Variants in KDM7A observed in about 807,000 individuals in gnomAD.
KDM7A encodes the protein lysine demethylase 7A.
A neutral mutation model predicts 114.8 loss-of-function variants in KDM7A; 28 were observed. The observed-to-expected ratio is 0.24, with a 90% CI of 0.18 to 0.33. KDM7A has a LOEUF of 0.33. Ranked by LOEUF, KDM7A falls within the 10% of genes least tolerant of loss-of-function variation. The pLI is 1.00. For synonymous variants in KDM7A, 423 were observed against 397.8 expected (o/e 1.06, Z -0.75); for missense variants, 942 against 1,142.5 (o/e 0.82, Z 2.53).
At chr7:140,158,993 A>G (rs1233462258) in intron 1 of KDM7A, among the ~76,000 whole-genome samples, 1 of 152,228 alleles carries the variant, frequency 6.6e-6, no homozygotes. Context: ...ACAGGGCTGC[A>G]GCTGAAAAGG....
At chr7:140,099,344 C>T (rs1818165355) in intron 13 of KDM7A, among the ~76,000 whole-genome samples, 1 of 152,074 alleles carries the variant, frequency 6.6e-6, no homozygotes, top group Non-Finnish European at 1.5e-5. Context: ...ACAGGCATGG[C>T]CACCACACCC....
At chr7:140,099,857 A>G (rs751680572) in intron 13 of KDM7A, 42 bp downstream of exon 13, 13 of 1,573,660 alleles carry the variant, frequency 8.3e-6, no homozygotes, top group African/African-American at 5.4e-5. Flanking sequence ...AGGGAACCCA[A>G]TGAAAATTAA....
chr7:140,173,111 A>G (rs1194963441), intron 1 of KDM7A, among the ~76,000 whole-genome samples: 1 of 152,204 alleles, frequency 6.6e-6, no homozygotes, highest in African/African-American at 2.4e-5. Context: ...AAAGACATCT[A>G]GCCTGGAGAT....
rs188313134 is a variant in KDM7A at position 140,129,690 on chromosome 7, T to C, written c.399-37A>G. Reference sequence around the variant, plus strand: ...CATAAGAATAAAAATGTCATTTTTATTGGTAAGGTCAGTTTAAAAAAAATA... The same window carrying C: ...CATAAGAATAAAAATGTCATTTTTACTGGTAAGGTCAGTTTAAAAAAAATA... On this transcript the variant is annotated intron_variant, in intron 3 of 19. Transcript: ENST00000397560. 75 of 1,424,828 alleles carry C rather than the reference T, an allele frequency of 5.3e-5. No homozygotes were observed. The African/African-American group carries it at 8.2e-4, about 16-fold the overall frequency. The allele number at this position is 1,424,828 out of a possible 1,614,324, so 88.3% of individuals were successfully genotyped here. A position where few individuals can be genotyped will look rare whatever the true frequency, so the allele number is the denominator to read the frequency against.
At chr7:140,099,167 T>C (rs186701489) in intron 13 of KDM7A, 134 bp from the exon 14 acceptor site, 31 of 713,056 alleles carry the variant, frequency 4.3e-5, no homozygotes, top group Middle Eastern at 2.6e-4. Context: ...AACTGTGCAA[T>C]AGTATGCGCT....
intron 2 of KDM7A, 89 bp downstream of exon 2, chr7:140,139,016 A>G: frequency 1.2e-6 from 1 of 807,334 alleles, no homozygotes; most frequent in East Asian, 2.5e-5. Flanking sequence ...AACTCCTCAG[A>G]GTATCATTAA....
intron 4 of KDM7A, 21 bp from the exon 5 acceptor site, chr7:140,127,604 C>A (rs754532519): frequency 1.9e-6 from 3 of 1,608,438 alleles, no homozygotes; most frequent in South Asian, 2.2e-5. Flanking sequence ...AAATTACAGT[C>A]TTATTATTGG....
intron 7 of KDM7A, among the ~76,000 whole-genome samples, chr7:140,121,788 CATTATTATAT>C (rs1470652525): frequency 1.3e-5 from 2 of 152,104 alleles, no homozygotes; most frequent in African/African-American, 4.8e-5. Context: ...ATTAGAACTC[CATTATTATAT>C]ATTATTATAT....
intron 1 of KDM7A, among the ~76,000 whole-genome samples, chr7:140,142,033 AAAAAGATATTTATATATCATATATATAT>A (rs879541979): frequency 2.1e-5 from 3 of 146,260 alleles, no homozygotes; most frequent in Non-Finnish European, 3.0e-5. Flanking sequence ...TTTATATATT[AAAAAGATATTTATATATCATATATATAT>A]AAAAGATATT....
intron 12 of KDM7A, 21 bp from the exon 13 acceptor site, chr7:140,100,044 C>T: frequency 6.2e-7 from 1 of 1,613,742 alleles, no homozygotes; most frequent in Non-Finnish European, 8.5e-7. Context: ...AAATGCAGAA[C>T]TTACTTACCA....
intron 17 of KDM7A, 131 bp downstream of exon 17, chr7:140,096,424 T>C: frequency 1.4e-6 from 1 of 690,934 alleles, no homozygotes; most frequent in Non-Finnish European, 2.4e-6. Context: ...GTGCTTTTTT[T>C]GGTCAACCTT....
rs1305422554 is a variant in KDM7A, at chr7:140,133,554, G to A, written c.383C>T (p.Ser128Phe). ...GTTTCCATACCTTGGGAAGACTCGA[G>A]AGCGTAATTCCTTAATGAAAGTTCT... ...GTRTFIKELR[S>F]RVFPSADEII... Residue 128 changes from serine to phenylalanine, a missense_variant, in exon 3 of 20, where the codon TCT becomes TTT. This residue lies in a region of KDM7A where 318 missense variants were observed against 453.1 expected (regional missense o/e 0.70). Coordinates refer to ENST00000397560, the MANE Select transcript of KDM7A (RefSeq NM_030647.2). 2 of 1,588,710 alleles carry A rather than the reference G, an allele frequency of 1.3e-6. No homozygotes were observed. Among genetic ancestry groups the A allele is most frequent in the East Asian group, 2.2e-5 (1 of 44,736 alleles).
rs570401166 is a variant in KDM7A, at chr7:140,142,422, C to T, written c.195-3232G>A. On this transcript the variant is annotated intron_variant, in intron 1 of 19. Coordinates refer to ENST00000397560, the MANE Select transcript of KDM7A (RefSeq NM_030647.2). ...TATACTGAACTCCTATAAATCAATA[C>T]AAAAAAAAAAACCAATAGAAAAATG... Among the ~76,000 whole-genome samples the T allele has an allele frequency of 1.3e-4, 18 of 135,136 alleles. No individual in the cohort carries two copies. The South Asian group carries it at 3.7e-3, about 28-fold the overall frequency. 88.7% of individuals were successfully genotyped at this position (135,136 alleles called of 152,430 possible).
At position 140,176,827 on chromosome 7, in the gene KDM7A, GGGCGGGGGC is replaced by G. The variant is rs766844912; in HGVS notation, c.102_110del (p.Pro35_Pro37del). 2 of 1,344,488 alleles carry G rather than the reference GGGCGGGGGC, an allele frequency of 1.5e-6. No individual in the cohort carries two copies. Among genetic ancestry groups the G allele is most frequent in the Admixed American group, 2.4e-5 (1 of 41,960 alleles). 83.3% of individuals were successfully genotyped at this position (1,344,488 alleles called of 1,614,324 possible). On this transcript the variant is annotated inframe_deletion, in exon 1 of 20. Transcript: ENST00000397560. The surrounding 1 kb of genome is among the most constrained non-coding windows in gnomAD (Gnocchi z 4.4). ...ACGGCTGCCGGCACACACAGTACAC[GGGCGGGGGC>G]GGCGGAGGCGCCGAGGCCCGGCCGG...
At chr7:140,171,535 A>ATATATTTATAAATATATATTTATT (rs1408812745) in intron 1 of KDM7A, among the ~76,000 whole-genome samples, 18 of 143,450 alleles carry the variant, frequency 1.3e-4, no homozygotes, top group African/African-American at 4.6e-4. Context: ...ATATTTATTT[A>ATATATTTATAAATATATATTTATT]TATATTTATA....
chr7:140,097,113 C>A, intron 15 of KDM7A, 66 bp from the exon 16 acceptor site: 1 of 1,216,386 alleles, frequency 8.2e-7, no homozygotes, highest in Non-Finnish European at 1.2e-6. Context: ...CAAATGAATC[C>A]GAAAAGATTT....
At chr7:140,135,934 T>C (rs1416935588) in intron 2 of KDM7A, among the ~76,000 whole-genome samples, 5 of 149,962 alleles carry the variant, frequency 3.3e-5, no homozygotes, top group African/African-American at 1.2e-4. Context: ...GCCCATTTGA[T>C]AGGTAAAGTA....
intron 1 of KDM7A, among the ~76,000 whole-genome samples, chr7:140,166,825 G>GA (rs1440295847): frequency 2.0e-5 from 3 of 152,190 alleles, no homozygotes; most frequent in Admixed American, 1.3e-4. Context: ...GCATAAGAAT[G>GA]GGCAAAGAAG....
intron 1 of KDM7A, among the ~76,000 whole-genome samples, chr7:140,173,767 T>C (rs538711776): frequency 4.6e-5 from 7 of 152,276 alleles, no homozygotes; most frequent in African/African-American, 1.4e-4. Context: ...AAGGAACATT[T>C]TGCTGTGTTC....
Sources: gnomAD v4.1 joint callset for allele counts (sites outside exome capture counted in the v4.1 genomes callset) on GRCh38, gnomAD v4.1.1 for gene constraint, gnomAD v4.1.1 regional missense constraint, Gnocchi (gnomAD v3.1) non-coding constraint, MANE v1.5 for transcripts, NCBI Gene and HGNC (gene_info 2026-07-23, HGNC 2026-07-21) for gene names.